Variants in DLG2 observed in about 807,000 individuals in gnomAD.
The protein encoded by DLG2 is discs large MAGUK scaffold protein 2, also known as disks large homolog 2.
A neutral mutation model predicts 132.5 loss-of-function variants in DLG2; 45 were observed. That is an observed-to-expected ratio of 0.34 (90% confidence interval 0.27 to 0.44). The LOEUF (loss-of-function observed/expected upper bound fraction) is 0.44, where lower values mean the gene tolerates loss of function less well. DLG2 is among the 20% of genes least tolerant of loss of function. The pLI, the probability that DLG2 is intolerant of heterozygous loss-of-function variation, is 1.00. For synonymous variants in DLG2, 424 were observed against 419.6 expected (o/e 1.01, Z -0.13); for missense variants, 1,045 against 1,196.9 (o/e 0.87, Z 1.87).
At chr11:84,250,815 C>T (rs757692089) in intron 8 of DLG2, among the ~76,000 whole-genome samples, 4 of 152,172 alleles carry the variant, frequency 2.6e-5, no homozygotes, top group Non-Finnish European at 4.4e-5. Flanking sequence ...CTTTTGGCCA[C>T]TTCTTATTAG....
intron 6 of DLG2, among the ~76,000 whole-genome samples, chr11:84,667,457 C>T (rs7943442): frequency 0.42 from 62,465 of 148,014 alleles, 13,573 homozygotes; most frequent in East Asian, 0.59. Flanking sequence ...GAGGATAGAA[C>T]ATTGATTCAA....
At chr11:84,713,179 G>A (rs1029743078) in intron 6 of DLG2, among the ~76,000 whole-genome samples, 3 of 152,036 alleles carry the variant, frequency 2.0e-5, no homozygotes, top group Non-Finnish European at 2.9e-5. Context: ...ATTTGAAAGA[G>A]TACAAAATTA....
Position 84,477,290 on chromosome 11 carries a change from T to C in DLG2, c.519+57280A>G, listed in dbSNP as rs548371577. On this transcript the variant is annotated intron_variant, in intron 7 of 27. Coordinates refer to ENST00000376104, the MANE Select transcript of DLG2 (RefSeq NM_001142699.3). ...TGGGTGGATAACCTGAGGCCTGGAG[T>C]TCGAGACCAGCCTGGACAACATGGA... is the stretch of plus-strand genomic sequence containing the variant. Among the ~76,000 whole-genome samples the C allele has an allele frequency of 2.6e-5, 4 of 151,804 alleles. No homozygotes were observed. In the East Asian group the frequency reaches 7.8e-4, roughly 30 times the overall value.
chr11:83,940,605 T>A (rs960807329), intron 14 of DLG2, among the ~76,000 whole-genome samples: 2 of 152,234 alleles, frequency 1.3e-5, no homozygotes, highest in African/African-American at 4.8e-5. Flanking sequence ...GTCATTGTTT[T>A]AAACACTTTC....
At chr11:84,308,189 G>A (rs534290913) in intron 7 of DLG2, among the ~76,000 whole-genome samples, 2 of 152,086 alleles carry the variant, frequency 1.3e-5, no homozygotes, top group Admixed American at 1.3e-4. Flanking sequence ...GGTCTGTTTT[G>A]ACAGGGGGCT....
At chr11:85,155,933 G>C (rs938236262) in intron 4 of DLG2, among the ~76,000 whole-genome samples, 2 of 151,954 alleles carry the variant, frequency 1.3e-5, no homozygotes, top group Non-Finnish European at 2.9e-5. Flanking sequence ...TTGCAGGCTA[G>C]GACAGCTCCC....
chr11:84,434,383 A>G (rs890566265), intron 7 of DLG2, among the ~76,000 whole-genome samples: 3 of 152,112 alleles, frequency 2.0e-5, no homozygotes, highest in African/African-American at 7.2e-5. Context: ...GACAAGACAG[A>G]TTAGTGGATC....
intron 10 of DLG2, 73 bp from the exon 11 acceptor site, chr11:84,059,557 C>T (rs1472316791): frequency 8.5e-7 from 1 of 1,183,400 alleles, no homozygotes; most frequent in East Asian, 2.9e-5. Flanking sequence ...TTATGTTTAT[C>T]TGACCTTAAG....
chr11:85,288,690 GA>G (rs1304508560), intron 3 of DLG2, among the ~76,000 whole-genome samples: 1 of 151,232 alleles, frequency 6.6e-6, no homozygotes, highest in African/African-American at 2.4e-5. Context: ...AAAGGGAAAA[GA>G]AAAAAAAGAA....
chr11:84,065,370 G>A (rs7122677), intron 10 of DLG2, among the ~76,000 whole-genome samples: 120,693 of 151,968 alleles, frequency 0.79, 49,159 homozygotes, highest in Middle Eastern at 0.92. Flanking sequence ...AATTTACAAG[G>A]AAAAACCAAA....
chr11:83,813,725 T>G (rs2048020114), intron 17 of DLG2, among the ~76,000 whole-genome samples: 1 of 152,154 alleles, frequency 6.6e-6, no homozygotes, highest in Non-Finnish European at 1.5e-5. Flanking sequence ...AAGTCTACCT[T>G]CATTTCTGCA....
chr11:85,477,458 T>C (rs188909596), intron 3 of DLG2, among the ~76,000 whole-genome samples: 8 of 152,254 alleles, frequency 5.3e-5, no homozygotes, highest in Admixed American at 2.6e-4. Context: ...CCATAGGTAA[T>C]AACCATGTAT....
chr11:84,928,299 TA>T (rs2047644241), intron 6 of DLG2, among the ~76,000 whole-genome samples: 1 of 151,926 alleles, frequency 6.6e-6, no homozygotes, highest in Non-Finnish European at 1.5e-5. Flanking sequence ...GACCTTGGTT[TA>T]AATTCCTTTT....
intron 7 of DLG2, among the ~76,000 whole-genome samples, chr11:84,368,639 A>G (rs1326151890): frequency 3.3e-5 from 5 of 152,124 alleles, no homozygotes; most frequent in Non-Finnish European, 7.4e-5. Flanking sequence ...ATTAGTGGCA[A>G]TGTAACACTA....
At chr11:84,940,463 C>T (rs566987455) in intron 6 of DLG2, among the ~76,000 whole-genome samples, 1 of 152,324 alleles carries the variant, frequency 6.6e-6, no homozygotes, top group South Asian at 2.1e-4. Context: ...ATTTACACTT[C>T]TTTGACGAGC....
At chr11:84,630,539 T>TA in intron 6 of DLG2, among the ~76,000 whole-genome samples, 1 of 152,266 alleles carries the variant, frequency 6.6e-6, no homozygotes, top group South Asian at 2.1e-4. Context: ...AACTTAACTA[T>TA]AAAAAATTTA....
intron 6 of DLG2, among the ~76,000 whole-genome samples, chr11:84,780,379 CA>C (rs1276744179): frequency 6.6e-6 from 1 of 151,866 alleles, no homozygotes; most frequent in Admixed American, 6.6e-5. Context: ...CAACATACCT[CA>C]AAAAAATATA....
chr11:85,131,129 T>C (rs896839720), intron 5 of DLG2, among the ~76,000 whole-genome samples: 2 of 152,152 alleles, frequency 1.3e-5, no homozygotes, highest in Non-Finnish European at 2.9e-5. Context: ...ATAATATGTA[T>C]CACCTATGTA....
At chr11:85,595,404 A>G (rs1419077878) in intron 3 of DLG2, among the ~76,000 whole-genome samples, 1 of 152,172 alleles carries the variant, frequency 6.6e-6, no homozygotes, top group African/African-American at 2.4e-5. Context: ...CAAATTCTGG[A>G]AAGTGTTGAT....
Sources: allele counts gnomAD v4.1 joint callset (sites outside exome capture counted in the v4.1 genomes callset), GRCh38; gene constraint gnomAD v4.1.1; transcripts MANE v1.5; gene names NCBI Gene and HGNC (gene_info 2026-07-23, HGNC 2026-07-21).